GRID1: variants seen among roughly 807,000 people sequenced by gnomAD.
The protein encoded by GRID1 is glutamate ionotropic receptor delta type subunit 1, also known as glutamate receptor ionotropic, delta-1.
GRID1 carries 28 observed loss-of-function variants against 98.0 expected under a neutral mutation model. The ratio of observed to expected loss-of-function variants is 0.29; its 90% confidence interval spans 0.21 to 0.39. GRID1 has a LOEUF of 0.39. Ranked by LOEUF, GRID1 falls within the 10% of genes least tolerant of loss-of-function variation. The pLI is 1.00. For synonymous variants in GRID1, 553 were observed against 538.5 expected (o/e 1.03, Z -0.37); for missense variants, 1,111 against 1,340.5 (o/e 0.83, Z 2.67).
chr10:86,321,449 C>A (rs1439513499), intron 2 of GRID1, among the ~76,000 whole-genome samples: 3 of 152,156 alleles, frequency 2.0e-5, no homozygotes, highest in African/African-American at 7.2e-5. Flanking sequence ...GAATGGGGTT[C>A]TTTCCTGCAG....
chr10:85,939,194 G>A (rs954259737), intron 4 of GRID1, among the ~76,000 whole-genome samples: 2 of 152,156 alleles, frequency 1.3e-5, no homozygotes, highest in African/African-American at 4.8e-5. Flanking sequence ...TCAACAAGGA[G>A]GTCAAGGTCA....
intron 2 of GRID1, among the ~76,000 whole-genome samples, chr10:86,270,131 T>C (rs1023393536): frequency 6.6e-6 from 1 of 152,266 alleles, no homozygotes; most frequent in Non-Finnish European, 1.5e-5. Context: ...ATCTGCTTTG[T>C]CTGAGCAGCC....
chr10:86,118,479 T>C (rs529206542), intron 4 of GRID1, among the ~76,000 whole-genome samples: 4 of 152,112 alleles, frequency 2.6e-5, no homozygotes, highest in South Asian at 2.1e-4. Flanking sequence ...CAAGAACCTA[T>C]TGAAATAAAA....
At chr10:86,321,165 T>C (rs1847965988) in intron 2 of GRID1, among the ~76,000 whole-genome samples, 1 of 151,648 alleles carries the variant, frequency 6.6e-6, no homozygotes. Flanking sequence ...CAAAGTCAAT[T>C]CAGATGTACC....
In GRID1 at chr10:85,647,238, G is replaced by T. The variant is rs886675985; in HGVS notation, c.2157C>A (p.Asp719Glu). The T allele has an allele frequency of 3.7e-6, 6 of 1,614,118 alleles. No individual in the cohort carries two copies. In the African/African-American group the frequency reaches 8.0e-5, roughly 22 times the overall value. Residue 719 changes from aspartate to glutamate, a missense_variant, in exon 13 of 16, where the codon GAC becomes GAA. Physicochemically the swap from Asp to Glu is conservative, Grantham distance 45. Around this residue, in one of 3 missense-constraint regions of GRID1, gnomAD observed 762 missense variants for 869.1 expected, o/e 0.88. Transcript: ENST00000327946. ...CTTCTGAAGGACTGGACACGCAGTT[G>T]TCAGCCCCTCCGTTCTTGCTGATGG... ...WRTISKNGGADNCVSSPSEGI... is the reference protein window; with the variant it reads ...WRTISKNGGAENCVSSPSEGI...
chr10:85,973,343 C>T (rs1341945383), intron 4 of GRID1, among the ~76,000 whole-genome samples: 1 of 152,012 alleles, frequency 6.6e-6, no homozygotes, highest in Non-Finnish European at 1.5e-5. Flanking sequence ...CCTGAAAAAT[C>T]ATGTAGCCTA....
chr10:86,252,493 T>C (rs1041479733), intron 2 of GRID1, among the ~76,000 whole-genome samples: 16 of 152,220 alleles, frequency 1.1e-4, no homozygotes, highest in Admixed American at 9.2e-4. Flanking sequence ...ATCCACAAAG[T>C]GCATGAATAA....
chr10:85,934,039 C>T (rs1841893954), intron 4 of GRID1, among the ~76,000 whole-genome samples: 1 of 152,062 alleles, frequency 6.6e-6, no homozygotes, highest in Non-Finnish European at 1.5e-5. Context: ...AATTTGCAGG[C>T]AAGAAGGGAA....
At chr10:86,047,006 C>G (rs1018217696) in intron 4 of GRID1, among the ~76,000 whole-genome samples, 3 of 152,212 alleles carry the variant, frequency 2.0e-5, no homozygotes, top group African/African-American at 7.2e-5. Context: ...GTGGCCACAC[C>G]AGAGGTTGCA....
At chr10:85,861,389 C>A (rs1162447400) in intron 6 of GRID1, among the ~76,000 whole-genome samples, 1 of 152,230 alleles carries the variant, frequency 6.6e-6, no homozygotes, top group Non-Finnish European at 1.5e-5. Flanking sequence ...ACAGCTGCCA[C>A]AGCCCCCAGG....
At chr10:86,021,821 G>A (rs753204019) in intron 4 of GRID1, among the ~76,000 whole-genome samples, 122 of 152,250 alleles carry the variant, frequency 8.0e-4, no homozygotes, top group Middle Eastern at 6.8e-3. Context: ...CACAGGCTAC[G>A]CTAGACCCTC....
At chr10:85,772,876 C>T (rs1053349154) in intron 8 of GRID1, among the ~76,000 whole-genome samples, 12 of 152,120 alleles carry the variant, frequency 7.9e-5, no homozygotes, top group Admixed American at 4.6e-4. Context: ...GGATTCACAG[C>T]CGAATTCTAC....
rs754049968 is a variant in GRID1, at chr10:85,602,318, G to T, written c.2985C>A (p.Gly995=). The T allele has an allele frequency of 1.9e-6, 3 of 1,548,452 alleles. No homozygotes were observed. Among genetic ancestry groups the T allele is most frequent in the Non-Finnish European group, 1.7e-6 (2 of 1,146,696 alleles). Residue 995 remains glycine (G), a synonymous_variant, in exon 16 of 16, where the codon GGC becomes GGA. Transcript: ENST00000327946. ...IPMSFQPVPG[G]VLPEALDTSH... ...AGGTGTCCAGAGCCTCTGGAAGGACGCCTCCAGGCACGGGCTGGAAGGACA... is the reference window on the plus strand; with the variant it reads ...AGGTGTCCAGAGCCTCTGGAAGGACTCCTCCAGGCACGGGCTGGAAGGACA...
At chr10:86,034,902 GTGGATGGATGGATGGATGGATGGATGGA>G (rs59211171) in intron 4 of GRID1, among the ~76,000 whole-genome samples, 4 of 143,734 alleles carry the variant, frequency 2.8e-5, no homozygotes, top group Admixed American at 6.9e-5. Flanking sequence ...CAATGGATTG[GTGGATGGATGGATGGATGGATGGATGGA>G]TGGATGGATG....
At chr10:85,793,888 C>A (rs1842503442) in intron 8 of GRID1, among the ~76,000 whole-genome samples, 1 of 152,086 alleles carries the variant, frequency 6.6e-6, no homozygotes, top group Non-Finnish European at 1.5e-5. Context: ...ACAACAAGAA[C>A]AAAAGCCCTG....
chr10:86,314,865 G>A (rs1011427988), intron 2 of GRID1, among the ~76,000 whole-genome samples: 2 of 152,178 alleles, frequency 1.3e-5, no homozygotes, highest in Admixed American at 6.5e-5. Context: ...ACATGGTGCA[G>A]AGCCAGAGCC....
At chr10:85,975,106 T>C (rs1842454962) in intron 4 of GRID1, among the ~76,000 whole-genome samples, 1 of 152,250 alleles carries the variant, frequency 6.6e-6, no homozygotes, top group Non-Finnish European at 1.5e-5. Context: ...CCCATTCTCA[T>C]CATTTGCCCA....
In GRID1 at chr10:86,169,701, C is replaced by T. The variant is rs1023323013; in HGVS notation, c.521-30677G>A. ...TCTGAAACATGGTCACTTTCAATCC[C>T]CAGGCAGAAGACCCCCACCAGCCAG... On this transcript the variant is annotated intron_variant, in intron 3 of 15. Coordinates refer to ENST00000327946, the MANE Select transcript of GRID1 (RefSeq NM_017551.3). Among the ~76,000 whole-genome samples, 3 of 152,186 alleles carry T rather than the reference C, an allele frequency of 2.0e-5. No homozygotes were observed. In the East Asian group the frequency reaches 5.8e-4, roughly 29 times the overall value.
intron 8 of GRID1, among the ~76,000 whole-genome samples, chr10:85,853,728 G>A (rs1401767545): frequency 6.6e-6 from 1 of 152,192 alleles, no homozygotes; most frequent in Admixed American, 6.5e-5. Context: ...TCCTTCACTT[G>A]GATAATTGTT....
Sources: gnomAD v4.1 joint callset for allele counts (sites outside exome capture counted in the v4.1 genomes callset) on GRCh38, gnomAD v4.1.1 for gene constraint, gnomAD v4.1.1 regional missense constraint, MANE v1.5 for transcripts, NCBI Gene and HGNC (gene_info 2026-07-23, HGNC 2026-07-21) for gene names.